FAT3: variants seen among roughly 807,000 people sequenced by gnomAD.
FAT3 encodes the protein protocadherin Fat 3.
In FAT3, 95 loss-of-function variants were observed where a neutral mutation model predicts 310.2. The ratio of observed to expected loss-of-function variants is 0.31; its 90% CI spans 0.26 to 0.36. The LOEUF is 0.36. FAT3 is among the 10% of genes least tolerant of loss of function. The pLI, the probability that FAT3 is intolerant of heterozygous loss-of-function variation, is 1.00. For synonymous variants in FAT3, 2,314 were observed against 2,192.9 expected (o/e 1.06, Z -1.54); for missense variants, 5,408 against 5,715.6 (o/e 0.95, Z 1.74).
At position 92,790,079 on chromosome 11, in the gene FAT3, A is replaced by G; in HGVS notation, c.4472A>G (p.His1491Arg). ...QIEATDRDEK[H>R]KLSYTVHSSI... is the part of the protein sequence containing the mutation. ...GAAGCCACAGATAGAGATGAGAAGCACAAGCTGAGCTACACTGTTCATAGC... is the reference window on the plus strand; with the variant it reads ...GAAGCCACAGATAGAGATGAGAAGCGCAAGCTGAGCTACACTGTTCATAGC... Residue 1491 changes from histidine (H) to arginine (R), a missense_variant, in exon 8 of 28, where the codon CAC (histidine) becomes CGC (arginine). Around this residue, in one of 5 missense-constraint regions of FAT3, gnomAD observed 4,588 missense variants for 4,809.8 expected, o/e 0.95. Coordinates refer to ENST00000525166, the MANE Select transcript of FAT3 (RefSeq NM_001367949.2). 1.2e-6 allele frequency: 2 copies of G among 1,613,884 alleles called. No individual in the cohort carries two copies. The highest frequency in any genetic ancestry group is 1.7e-6 in the Non-Finnish European group (2 of 1,179,772).
At chr11:92,640,237 G>T (rs1418099393) in intron 3 of FAT3, among the ~76,000 whole-genome samples, 1 of 152,106 alleles carries the variant, frequency 6.6e-6, no homozygotes, top group Non-Finnish European at 1.5e-5. Flanking sequence ...ACTGCTTGGA[G>T]TCAGGAGCTT....
At chr11:92,832,161 T>C in intron 14 of FAT3, 150 bp downstream of exon 14, 1 of 920,388 alleles carries the variant, frequency 1.1e-6, no homozygotes, top group Non-Finnish European at 1.6e-6. Context: ...TGAGACCCTG[T>C]CTCTACAAAA....
In FAT3 at chr11:92,432,234, C is replaced by T. The variant is rs1170080988; in HGVS notation, c.3292+76830C>T. ...TTCACGTCCCTTGTAAGTTGGATTC[C>T]TAGGTATTTTATTCTCTTTGAAGCA... is the stretch of plus-strand genomic sequence containing the variant. On this transcript the variant is annotated intron_variant, in intron 2 of 27. Coordinates refer to ENST00000525166, the MANE Select transcript of FAT3 (RefSeq NM_001367949.2). 5.9e-5 allele frequency among the ~76,000 whole-genome samples: 9 copies of T among 152,060 alleles called. No homozygotes were observed. In the East Asian group the frequency reaches 1.7e-3, roughly 29 times the overall value.
intron 13 of FAT3, among the ~76,000 whole-genome samples, chr11:92,810,559 C>T (rs934468658): frequency 7.2e-5 from 11 of 152,090 alleles, no homozygotes; most frequent in Admixed American, 6.5e-4. Flanking sequence ...AGACTAATTA[C>T]TAAATGTGCT....
At chr11:92,619,700 A>C (rs559014818) in intron 3 of FAT3, among the ~76,000 whole-genome samples, 1 of 151,930 alleles carries the variant, frequency 6.6e-6, no homozygotes, top group South Asian at 2.1e-4. Flanking sequence ...TTGTAAAGTT[A>C]ATAGTCGTTT....
At chr11:92,245,396 C>A (rs1864859655) in intron 1 of FAT3, among the ~76,000 whole-genome samples, 1 of 152,032 alleles carries the variant, frequency 6.6e-6, no homozygotes, top group African/African-American at 2.4e-5. Flanking sequence ...ATGTAGATGG[C>A]AGGTTGATGG....
intron 2 of FAT3, among the ~76,000 whole-genome samples, chr11:92,509,734 T>C (rs185751528): frequency 6.6e-5 from 10 of 152,282 alleles, no homozygotes; most frequent in Admixed American, 2.6e-4. Context: ...TAAGGAATGG[T>C]AAAAACTGCA....
At position 92,859,243 on chromosome 11, in the gene FAT3, A is replaced by G. The variant is rs773640253; in HGVS notation, c.11579A>G (p.Lys3860Arg). 7 of 1,613,886 alleles carry G rather than the reference A, an allele frequency of 4.3e-6. No homozygotes were observed. In the South Asian group the frequency reaches 5.5e-5, roughly 13 times the overall value. Reference sequence around the variant, plus strand: ...GAAAATAGCAAAGAAGAGGATTTCAAACTAGCTCTGCGTCTTCGAACACTG... The same window carrying G: ...GAAAATAGCAAAGAAGAGGATTTCAGACTAGCTCTGCGTCTTCGAACACTG... Reference protein sequence around the residue: ...LSENSKEEDFKLALRLRTLQS... With the variant: ...LSENSKEEDFRLALRLRTLQS... Residue 3860 changes from lysine to arginine, a missense_variant, in exon 21 of 28, where the codon AAA (lysine) becomes AGA (arginine). By Grantham distance (26) the Lys-to-Arg change is conservative (BLOSUM62 2). Coordinates refer to ENST00000525166, the MANE Select transcript of FAT3 (RefSeq NM_001367949.2).
chr11:92,458,793 G>C (rs1951565812), intron 2 of FAT3, among the ~76,000 whole-genome samples: 1 of 152,194 alleles, frequency 6.6e-6, no homozygotes, highest in African/African-American at 2.4e-5. Context: ...TGAGCAGGCT[G>C]TGAGGCAGGG....
intron 19 of FAT3, among the ~76,000 whole-genome samples, chr11:92,852,592 T>C (rs1948861027): frequency 6.6e-6 from 1 of 152,150 alleles, no homozygotes; most frequent in South Asian, 2.1e-4. Flanking sequence ...AAAGAACCTA[T>C]TAAAAACAGA....
At chr11:92,581,012 C>A (rs888045486) in intron 3 of FAT3, among the ~76,000 whole-genome samples, 2 of 152,024 alleles carry the variant, frequency 1.3e-5, no homozygotes, top group African/African-American at 4.8e-5. Flanking sequence ...TGGGTTTAGC[C>A]TCTCTGGCTA....
At position 92,866,635 on chromosome 11, in the gene FAT3, C is replaced by T. The variant is rs1351128137; in HGVS notation, c.11659-106C>T. On this transcript the variant is annotated intron_variant, in intron 21 of 27. Transcript: ENST00000525166. Reference sequence around the variant, plus strand: ...ATGAGTAGAGCAAAAGTCATGTCCACATTCCAGCTTTCTTGTGAAGCCCCC... The same window carrying T: ...ATGAGTAGAGCAAAAGTCATGTCCATATTCCAGCTTTCTTGTGAAGCCCCC... 28 of 978,786 alleles carry T rather than the reference C, an allele frequency of 2.9e-5. No homozygotes were observed. The Admixed American group carries it at 7.4e-4, about 26-fold the overall frequency. The allele number at this position is 978,786 out of a possible 1,614,324, so 60.6% of individuals were successfully genotyped here.
intron 13 of FAT3, among the ~76,000 whole-genome samples, chr11:92,827,404 AG>A (rs1948129813): frequency 6.6e-6 from 1 of 152,194 alleles, no homozygotes; most frequent in Non-Finnish European, 1.5e-5. Flanking sequence ...AAGGAGTCAT[AG>A]TGCTGGAAAA....
rs192392931 is a variant in FAT3, at chr11:92,745,978, T to C, written c.3670-15878T>C. Among the ~76,000 whole-genome samples the C allele has an allele frequency of 5.2e-3, 786 of 152,324 alleles. 6 individuals are homozygous for C. Among genetic ancestry groups the C allele is most frequent in the Non-Finnish European group, 7.9e-3 (538 of 68,020 alleles). On this transcript the variant is annotated intron_variant, in intron 4 of 27. Coordinates refer to ENST00000525166, the MANE Select transcript of FAT3 (RefSeq NM_001367949.2). ...CCTGGTGCTTCCCAATAATGCAATG[T>C]CTTTGGACAAAGAGAAAGCTCACCA...
At chr11:92,292,125 C>T (rs1026380751) in intron 1 of FAT3, among the ~76,000 whole-genome samples, 1 of 151,914 alleles carries the variant, frequency 6.6e-6, no homozygotes, top group South Asian at 2.1e-4. Context: ...ATGTGAAATC[C>T]AAACAAGTGT....
intron 3 of FAT3, chr11:92,559,382 C>CT (rs1374173525): frequency 6.1e-6 from 1 of 163,694 alleles, no homozygotes; most frequent in Non-Finnish European, 1.2e-5. Context: ...TACTTATTTT[C>CT]CTTTTTTTTT....
intron 17 of FAT3, 33 bp downstream of exon 17, chr11:92,837,839 C>CT: frequency 6.2e-7 from 1 of 1,613,474 alleles, no homozygotes; most frequent in South Asian, 1.1e-5. Flanking sequence ...GCACTTGTCC[C>CT]TTTGCATTCA....
At chr11:92,397,829 C>G (rs945019586) in intron 2 of FAT3, among the ~76,000 whole-genome samples, 13 of 151,756 alleles carry the variant, frequency 8.6e-5, no homozygotes, top group Non-Finnish European at 1.6e-4. Flanking sequence ...CTCTATTTGC[C>G]TGTGTTATGG....
At chr11:92,264,581 C>T (rs1368439702) in intron 1 of FAT3, among the ~76,000 whole-genome samples, 1 of 152,100 alleles carries the variant, frequency 6.6e-6, no homozygotes, top group Non-Finnish European at 1.5e-5. Context: ...ATCTAGGTTG[C>T]TATGACAATG....
Sources: gnomAD v4.1 joint callset for allele counts (sites outside exome capture counted in the v4.1 genomes callset) on GRCh38, gnomAD v4.1.1 for gene constraint, gnomAD v4.1.1 regional missense constraint, MANE v1.5 for transcripts, NCBI Gene and HGNC (gene_info 2026-07-23, HGNC 2026-07-21) for gene names.